The following FRMD4A variants were observed in gnomAD, a reference collection of about 807,000 sequenced individuals.
FRMD4A encodes FERM domain-containing protein 4A.
Under a neutral mutation model 129.1 loss-of-function variants are expected in FRMD4A, and 29 were observed. The ratio of observed to expected loss-of-function variants is 0.22; its 90% CI spans 0.17 to 0.31. FRMD4A has a LOEUF of 0.31. Ranked by LOEUF, FRMD4A falls within the 10% of genes least tolerant of loss-of-function variation. The probability of loss-of-function intolerance (pLI) is 1.00; values close to 1 mark genes in which losing one functional copy is unlikely to be tolerated. For missense variants in FRMD4A, 1,272 were observed against 1,375.8 expected (o/e 0.92, Z 1.19); for synonymous variants, 634 against 571.6 (o/e 1.11, Z -1.56).
intron 2 of FRMD4A, among the ~76,000 whole-genome samples, chr10:14,092,089 C>T (rs1457362211): frequency 6.6e-6 from 1 of 152,100 alleles, no homozygotes; most frequent in Non-Finnish European, 1.5e-5. Flanking sequence ...CATTTTCTAC[C>T]CCGACTCAAA....
intron 12 of FRMD4A, among the ~76,000 whole-genome samples, chr10:13,708,234 G>C (rs1352772211): frequency 6.6e-6 from 1 of 152,156 alleles, no homozygotes; most frequent in African/African-American, 2.4e-5. Flanking sequence ...CGGACCTCAG[G>C]CTCCTGACCC....
At chr10:14,280,572 G>C (rs1018511971) in intron 2 of FRMD4A, among the ~76,000 whole-genome samples, 3 of 152,166 alleles carry the variant, frequency 2.0e-5, no homozygotes, top group African/African-American at 7.2e-5. Flanking sequence ...TTCTCAAACA[G>C]ATTCCAATGA....
intron 2 of FRMD4A, among the ~76,000 whole-genome samples, chr10:13,889,894 C>T (rs1166605831): frequency 2.0e-5 from 3 of 152,212 alleles, no homozygotes; most frequent in Admixed American, 6.5e-5. Context: ...AAAGCATGTC[C>T]AAATATTGCC....
At chr10:13,838,446 T>C (rs1474748720) in intron 3 of FRMD4A, among the ~76,000 whole-genome samples, 1 of 151,466 alleles carries the variant, frequency 6.6e-6, no homozygotes, top group African/African-American at 2.4e-5. Context: ...GCTGCTCTGC[T>C]TCTCAGTTTG....
At chr10:13,680,888 A>T (rs1328522065) in intron 15 of FRMD4A, among the ~76,000 whole-genome samples, 1 of 152,154 alleles carries the variant, frequency 6.6e-6, no homozygotes, top group Non-Finnish European at 1.5e-5. Flanking sequence ...TACTAAAAAA[A>T]AATTAAATGA....
rs571369117 is a variant in FRMD4A, at chr10:13,803,424, T to C, written c.207-6836A>G. Among the ~76,000 whole-genome samples the C allele has an allele frequency of 4.6e-5, 7 of 152,294 alleles. No homozygotes were observed. The South Asian group carries it at 1.4e-3, about 32-fold the overall frequency. On this transcript the variant is annotated intron_variant, in intron 4 of 24. Transcript: ENST00000357447. Reference sequence around the variant, plus strand: ...ATAGCTCGCTGCAGCCTTGAACCCCTGGGCTCAAGTGATCTTCCCATCTCA... The same window carrying C: ...ATAGCTCGCTGCAGCCTTGAACCCCCGGGCTCAAGTGATCTTCCCATCTCA...
At chr10:13,958,769 G>C (rs1364092614) in intron 2 of FRMD4A, among the ~76,000 whole-genome samples, 1 of 151,616 alleles carries the variant, frequency 6.6e-6, no homozygotes, top group Non-Finnish European at 1.5e-5. Context: ...ATTTTTAGTA[G>C]AGATAGGGTT....
At chr10:14,318,896 G>C (rs1354808265) in intron 2 of FRMD4A, among the ~76,000 whole-genome samples, 1 of 152,150 alleles carries the variant, frequency 6.6e-6, no homozygotes, top group African/African-American at 2.4e-5. Flanking sequence ...AATGCAACAG[G>C]AGCAAGTCTG....
At chr10:13,988,169 T>C (rs2095588954) in intron 2 of FRMD4A, among the ~76,000 whole-genome samples, 1 of 152,228 alleles carries the variant, frequency 6.6e-6, no homozygotes, top group South Asian at 2.1e-4. Flanking sequence ...CTCGTATCCA[T>C]GCAGAACACT....
chr10:13,872,340 A>G (rs1043059664), intron 2 of FRMD4A, among the ~76,000 whole-genome samples: 5 of 152,192 alleles, frequency 3.3e-5, no homozygotes, highest in Admixed American at 2.0e-4. Flanking sequence ...GGCACTGGTC[A>G]TTTGTTGAGG....
intron 19 of FRMD4A, 27 bp from the exon 20 acceptor site, chr10:13,660,580 T>A (rs200763314): frequency 1.1e-5 from 16 of 1,404,744 alleles, no homozygotes; most frequent in Admixed American, 3.5e-5. Context: ...AGAGAGGAAC[T>A]GAGCCCCGGT....
intron 2 of FRMD4A, among the ~76,000 whole-genome samples, chr10:14,314,839 A>G (rs1165152801): frequency 1.3e-5 from 2 of 151,294 alleles, no homozygotes; most frequent in African/African-American, 4.9e-5. Flanking sequence ...TTACTCATTC[A>G]CCTCCTATCT....
chr10:13,940,054 T>C (rs1210518023), intron 2 of FRMD4A, among the ~76,000 whole-genome samples: 2 of 152,026 alleles, frequency 1.3e-5, no homozygotes, highest in Non-Finnish European at 2.9e-5. Context: ...GCCATTTGGC[T>C]TTATGGGTTA....
At chr10:13,911,764 G>A (rs1021539858) in intron 2 of FRMD4A, among the ~76,000 whole-genome samples, 1 of 152,118 alleles carries the variant, frequency 6.6e-6, no homozygotes, top group African/African-American at 2.4e-5. Context: ...GTTTCACTGT[G>A]TTACCTAGGG....
At chr10:13,992,715 A>G (rs1465149567) in intron 2 of FRMD4A, among the ~76,000 whole-genome samples, 9 of 152,170 alleles carry the variant, frequency 5.9e-5, no homozygotes, top group Non-Finnish European at 1.0e-4. Flanking sequence ...GCACTTTGGG[A>G]GGCCAAGACA....
At chr10:14,141,665 G>A (rs1280140996) in intron 2 of FRMD4A, among the ~76,000 whole-genome samples, 2 of 151,810 alleles carry the variant, frequency 1.3e-5, no homozygotes, top group African/African-American at 4.8e-5. Context: ...GTCCTTCGAT[G>A]ATCACTCCAG....
chr10:13,890,731 G>T, intron 2 of FRMD4A: 1 of 985,408 alleles, frequency 1.0e-6, no homozygotes, highest in Non-Finnish European at 1.2e-6. Context: ...TCCATTCATG[G>T]TGGGGTCAGG....
intron 3 of FRMD4A, among the ~76,000 whole-genome samples, chr10:13,814,579 T>G (rs2093504085): frequency 6.6e-5 from 1 of 15,202 alleles, no homozygotes; most frequent in Admixed American, 8.9e-4. Context: ...AGACCCTGTT[T>G]CAAAAAAAAA....
intron 2 of FRMD4A, among the ~76,000 whole-genome samples, chr10:14,125,884 C>T (rs1349061925): frequency 6.6e-6 from 1 of 152,078 alleles, no homozygotes; most frequent in Non-Finnish European, 1.5e-5. Flanking sequence ...CAAAACAGAA[C>T]AAAACAAAAC....
Sources: allele counts gnomAD v4.1 joint callset (sites outside exome capture counted in the v4.1 genomes callset), GRCh38; gene constraint gnomAD v4.1.1; transcripts MANE v1.5; gene names NCBI Gene and HGNC (gene_info 2026-07-23, HGNC 2026-07-21).